RUNDC3B: variants seen among roughly 807,000 people sequenced by gnomAD.
The protein encoded by RUNDC3B is RUN domain containing 3B, also known as RUN domain-containing protein 3B.
Under a neutral mutation model 58.4 loss-of-function variants are expected in RUNDC3B, and 33 were observed. That is an observed-to-expected ratio of 0.56 (90% CI 0.43 to 0.75). The LOEUF (loss-of-function observed/expected upper bound fraction) is 0.75, where lower values mean the gene tolerates loss of function less well. Among genes scored for constraint, RUNDC3B ranks in the 30% least tolerant of loss-of-function variants. The pLI is 0.00. For synonymous variants in RUNDC3B, 193 were observed against 195.2 expected (o/e 0.99, Z 0.10); for missense variants, 501 against 535.7 (o/e 0.94, Z 0.64).
chr7:87,650,792 C>G (rs748895746), intron 1 of RUNDC3B, 30 bp from the exon 2 acceptor site: 15 of 1,400,136 alleles, frequency 1.1e-5, no homozygotes, highest in Non-Finnish European at 1.5e-5. Context: ...TCAACTCTGC[C>G]TAAAAGCAAC....
rs538810625 is a variant in RUNDC3B, at chr7:87,719,911, C to G, written c.458+9256C>G. Among the ~76,000 whole-genome samples, 3 of 149,184 alleles carry G rather than the reference C, an allele frequency of 2.0e-5. No individual in the cohort carries two copies. In the East Asian group the frequency reaches 5.9e-4, roughly 29 times the overall value. The stretch of plus-strand genomic sequence containing the variant: ...AACAGAGATGAATTTCTATATAACC[C>G]TATGTAGGTAAAATTCTTCTAAGTC... On this transcript the variant is annotated intron_variant, in intron 4 of 10. Transcript: ENST00000394654.
intron 3 of RUNDC3B, 140 bp downstream of exon 3, chr7:87,700,694 C>G: frequency 1.4e-6 from 1 of 733,666 alleles, no homozygotes; most frequent in Non-Finnish European, 2.1e-6. Flanking sequence ...TGTGATGTTT[C>G]TACATTTCTT....
intron 8 of RUNDC3B, among the ~76,000 whole-genome samples, 198 bp from the exon 9 acceptor site, chr7:87,807,175 C>A (rs1047161882): frequency 1.3e-5 from 2 of 151,754 alleles, no homozygotes; most frequent in Non-Finnish European, 2.9e-5. Flanking sequence ...TTGTAACCAG[C>A]GGAAAAAAAA....
Position 87,628,661 on chromosome 7 carries a change from G to T in RUNDC3B, c.-163G>T. The T allele has an allele frequency of 2.5e-6, 1 of 406,146 alleles. No individual in the cohort carries two copies. The highest frequency in any genetic ancestry group is 4.2e-6 in the Non-Finnish European group (1 of 236,944). 25.2% of individuals were successfully genotyped at this position (406,146 alleles called of 1,614,324 possible). A position where few individuals can be genotyped will look rare whatever the true frequency, so the allele number is the denominator to read the frequency against. The stretch of plus-strand genomic sequence containing the variant: ...GCCAAGGGCGAGCCGTCAGTCCCCG[G>T]GTGCGAGTCCCTGCTGTCTTCCACA... On this transcript the variant is annotated 5_prime_UTR_variant, in exon 1 of 11. Transcript: ENST00000394654.
At chr7:87,703,155 T>A (rs2188529) in intron 3 of RUNDC3B, among the ~76,000 whole-genome samples, 7,455 of 152,280 alleles carry the variant, frequency 0.049, 277 homozygotes, top group East Asian at 0.091. Flanking sequence ...ATTATAGAAT[T>A]ATAAATTATG....
At chr7:87,651,004 A>G in intron 2 of RUNDC3B, 67 bp downstream of exon 2, 1 of 894,162 alleles carries the variant, frequency 1.1e-6, no homozygotes, top group Non-Finnish European at 1.8e-6. Flanking sequence ...AAATTTTAGA[A>G]ATCATACAGT....
chr7:87,823,181 A>G (rs1837587484), intron 10 of RUNDC3B, among the ~76,000 whole-genome samples: 1 of 152,136 alleles, frequency 6.6e-6, no homozygotes, highest in Non-Finnish European at 1.5e-5. Flanking sequence ...TCTATTACCA[A>G]AGTTATGCAA....
At chr7:87,632,301 A>G (rs909850485) in intron 1 of RUNDC3B, among the ~76,000 whole-genome samples, 4 of 152,214 alleles carry the variant, frequency 2.6e-5, no homozygotes, top group Non-Finnish European at 5.9e-5. Context: ...TTGAGCTTTG[A>G]AAGTGGGTTG....
chr7:87,629,088 G>T, intron 1 of RUNDC3B, 143 bp downstream of exon 1: 1 of 781,914 alleles, frequency 1.3e-6, no homozygotes, highest in Non-Finnish European at 1.8e-6. Context: ...ATCTGTGAGC[G>T]CGCAGCTCCT....
intron 3 of RUNDC3B, among the ~76,000 whole-genome samples, chr7:87,701,102 C>A (rs559452727): frequency 6.6e-6 from 1 of 152,284 alleles, no homozygotes; most frequent in African/African-American, 2.4e-5. Context: ...TAAAGCATTT[C>A]TGCAGCATAC....
At chr7:87,712,760 C>G (rs1257632362) in intron 4 of RUNDC3B, among the ~76,000 whole-genome samples, 3 of 152,046 alleles carry the variant, frequency 2.0e-5, no homozygotes, top group Non-Finnish European at 2.9e-5. Flanking sequence ...TTCCTGTAAC[C>G]ATACATAAAC....
At chr7:87,793,470 AT>A (rs1352150694) in intron 8 of RUNDC3B, among the ~76,000 whole-genome samples, 1 of 152,156 alleles carries the variant, frequency 6.6e-6, no homozygotes, top group Non-Finnish European at 1.5e-5. Context: ...TAAAAATATC[AT>A]TCATCATGAC....
intron 8 of RUNDC3B, among the ~76,000 whole-genome samples, chr7:87,804,438 C>T (rs1836330335): frequency 6.6e-6 from 1 of 152,018 alleles, no homozygotes; most frequent in Non-Finnish European, 1.5e-5. Context: ...GGTTTTGAGT[C>T]ATTGCAGTAA....
chr7:87,787,004 G>A (rs974564934), intron 8 of RUNDC3B, among the ~76,000 whole-genome samples: 13 of 152,026 alleles, frequency 8.6e-5, no homozygotes, highest in Non-Finnish European at 1.3e-4. Context: ...GAGTTGAGAG[G>A]TTAAAGATTT....
At chr7:87,703,508 C>T (rs932615424) in intron 3 of RUNDC3B, among the ~76,000 whole-genome samples, 31 of 152,070 alleles carry the variant, frequency 2.0e-4, no homozygotes, top group African/African-American at 7.0e-4. Context: ...TTGTTAAAGC[C>T]ACTGCTCCCT....
intron 2 of RUNDC3B, among the ~76,000 whole-genome samples, chr7:87,676,697 C>T (rs2130559514): frequency 7.5e-6 from 1 of 132,672 alleles, no homozygotes; most frequent in Admixed American, 7.9e-5. Flanking sequence ...GAGCAAGACC[C>T]TGTCTCAAAA....
At chr7:87,796,400 G>A (rs1835822523) in intron 8 of RUNDC3B, among the ~76,000 whole-genome samples, 1 of 151,984 alleles carries the variant, frequency 6.6e-6, no homozygotes, top group Admixed American at 6.6e-5. Flanking sequence ...GTATTTGATA[G>A]TACAACAGAT....
chr7:87,670,619 G>T (rs145683270), intron 2 of RUNDC3B, among the ~76,000 whole-genome samples: 422 of 152,276 alleles, frequency 2.8e-3, no homozygotes, highest in Non-Finnish European at 4.7e-3. Context: ...TCCTTTATCT[G>T]CATTGTAGAT....
intron 6 of RUNDC3B, among the ~76,000 whole-genome samples, chr7:87,751,537 G>A (rs1455655470): frequency 2.0e-5 from 3 of 152,148 alleles, no homozygotes; most frequent in African/African-American, 7.2e-5. Context: ...CCATTTGCTT[G>A]TATCCTCTTT....
Sources: allele counts gnomAD v4.1 joint callset (sites outside exome capture counted in the v4.1 genomes callset), GRCh38; gene constraint gnomAD v4.1.1; transcripts MANE v1.5; gene names NCBI Gene and HGNC (gene_info 2026-07-23, HGNC 2026-07-21).